Variants in SLC43A2 observed in about 807,000 individuals in gnomAD.
SLC43A2 encodes solute carrier family 43 member 2, also known as large neutral amino acids transporter small subunit 4.
In SLC43A2, 38 loss-of-function variants were observed where a neutral mutation model predicts 63.2. That is an observed-to-expected ratio of 0.60 (90% confidence interval 0.46 to 0.79). The LOEUF (loss-of-function observed/expected upper bound fraction) is 0.79, where lower values mean the gene tolerates loss of function less well. Among genes scored for constraint, SLC43A2 ranks in the 30% least tolerant of loss-of-function variants. The pLI, the probability that SLC43A2 is intolerant of heterozygous loss-of-function variation, is 0.00. For missense variants in SLC43A2, 644 were observed against 756.2 expected (o/e 0.85, Z 1.74); for synonymous variants, 322 against 331.0 (o/e 0.97, Z 0.30).
chr17:1,614,854 G>T, intron 4 of SLC43A2, 125 bp downstream of exon 4: 1 of 908,456 alleles, frequency 1.1e-6, no homozygotes. Context: ...CGTAACAGGT[G>T]TCCCCTCTAA....
In SLC43A2 at chr17:1,593,946, T is replaced by A. The variant is rs1385630204; in HGVS notation, c.502-667A>T. 1.3e-5 allele frequency among the ~76,000 whole-genome samples: 2 copies of A among 152,108 alleles called. No individual in the cohort carries two copies. The highest frequency in any genetic ancestry group is 2.9e-5 in the Non-Finnish European group (2 of 68,002). ...CCTCCGCCTCCCTGGTTCAAGTGAT[T>A]CTCCTGCCTCAGCCTCCCAAGTCGC... is the stretch of plus-strand genomic sequence containing the variant. On this transcript the variant is annotated intron_variant, in intron 5 of 13. Coordinates refer to ENST00000301335, the MANE Select transcript of SLC43A2 (RefSeq NM_152346.3). The surrounding 1 kb of genome is among the most constrained non-coding windows in gnomAD (Gnocchi z 5.3).
chr17:1,577,231 C>T lies in SLC43A2; in HGVS notation c.1425-511G>A, dbSNP rs1332557560. Among the ~76,000 whole-genome samples the T allele has an allele frequency of 6.6e-6, 1 of 152,130 alleles. No individual in the cohort carries two copies. Among genetic ancestry groups the T allele is most frequent in the Non-Finnish European group, 1.5e-5 (1 of 68,008 alleles). ...CAGGCCCCAGACTCTGGGGAGGGCCCACCCCACTCAGCTGTGCCCAGGGCC... is the reference window on the plus strand; with the variant it reads ...CAGGCCCCAGACTCTGGGGAGGGCCTACCCCACTCAGCTGTGCCCAGGGCC... On this transcript the variant is annotated intron_variant, in intron 12 of 13. Transcript: ENST00000301335. This position sits in a 1 kb window ranked among gnomAD's most constrained non-coding sequence, Gnocchi z 4.9.
At chr17:1,622,434 G>T (rs566797022) in intron 2 of SLC43A2, among the ~76,000 whole-genome samples, 1 of 152,066 alleles carries the variant, frequency 6.6e-6, no homozygotes, top group Non-Finnish European at 1.5e-5. Flanking sequence ...GCGTGGTGGC[G>T]GGCGCCTGCA....
chr17:1,622,727 A>C (rs1277216863), intron 2 of SLC43A2, among the ~76,000 whole-genome samples: 4 of 152,098 alleles, frequency 2.6e-5, no homozygotes. Flanking sequence ...CAGCCTGGCC[A>C]ACATGGTGAA....
At chr17:1,591,770 G>T in intron 6 of SLC43A2, 71 bp from the exon 7 acceptor site, 1 of 1,209,828 alleles carries the variant, frequency 8.3e-7, no homozygotes, top group Non-Finnish European at 1.2e-6. Flanking sequence ...CAGAGCCGCA[G>T]CAGGCAGGGG....
In SLC43A2 at chr17:1,605,583, C is replaced by A. The variant is rs902649283; in HGVS notation, c.501+7612G>T. Among the ~76,000 whole-genome samples, 1 of 22,332 alleles carries A rather than the reference C, an allele frequency of 4.5e-5. No homozygotes were observed. The highest frequency in any genetic ancestry group is 1.9e-4 in the African/African-American group (1 of 5,326). 14.7% of individuals were successfully genotyped at this position (22,332 alleles called of 152,430 possible). ...GGAGCTGGGTGGTGGGTGGGGGCTG[C>A]GGAGCTGGGAGGTGGGTGGGGGCTG... On this transcript the variant is annotated intron_variant, in intron 5 of 13. Transcript: ENST00000301335. This position sits in a 1 kb window ranked among gnomAD's most constrained non-coding sequence, Gnocchi z 4.9.
Position 1,616,506 on chromosome 17 carries a change from C to G in SLC43A2, c.368+56G>C, listed in dbSNP as rs1305704309. 4 of 1,524,462 alleles carry G rather than the reference C, an allele frequency of 2.6e-6. No homozygotes were observed. In the East Asian group the frequency reaches 7.3e-5, roughly 28 times the overall value. 94.4% of individuals were successfully genotyped at this position (1,524,462 alleles called of 1,614,324 possible). A position where few individuals can be genotyped will look rare whatever the true frequency, so the allele number is the denominator to read the frequency against. On this transcript the variant is annotated intron_variant, in intron 3 of 13. Transcript: ENST00000301335. The stretch of plus-strand genomic sequence containing the variant: ...GACCAGGATACCCTTCTGTGGGGAA[C>G]TCAGCCCAGGGGGTCCACCTGCCCA...
chr17:1,583,903 G>T lies in SLC43A2; in HGVS notation c.1218-567C>A, dbSNP rs968373641. On this transcript the variant is annotated intron_variant, in intron 10 of 13. Coordinates refer to ENST00000301335, the MANE Select transcript of SLC43A2 (RefSeq NM_152346.3). This position sits in a 1 kb window ranked among gnomAD's most constrained non-coding sequence, Gnocchi z 5.5. ...TTTTGTTTTGTTTTTTTGTTCTTTG[G>T]GTTTTTTTTTGAGATGGAGTCTCGC... Among the ~76,000 whole-genome samples the T allele has an allele frequency of 6.6e-6, 1 of 151,144 alleles. No individual in the cohort carries two copies. Among genetic ancestry groups the T allele is most frequent in the African/African-American group, 2.4e-5 (1 of 41,080 alleles).
At chr17:1,621,455 G>A (rs975861294) in intron 2 of SLC43A2, among the ~76,000 whole-genome samples, 20 of 152,288 alleles carry the variant, frequency 1.3e-4, no homozygotes, top group Non-Finnish European at 2.5e-4. Context: ...TAGTCTATCC[G>A]GCAACAGGAA....
At chr17:1,617,192 G>A (rs918379109) in intron 2 of SLC43A2, among the ~76,000 whole-genome samples, 6 of 152,026 alleles carry the variant, frequency 3.9e-5, no homozygotes, top group Non-Finnish European at 7.4e-5. Flanking sequence ...ACCTTCTCAC[G>A]GCAGCTATGT....
At chr17:1,587,272 G>A (rs2076118674) in intron 9 of SLC43A2, among the ~76,000 whole-genome samples, 1 of 152,218 alleles carries the variant, frequency 6.6e-6, no homozygotes, top group African/African-American at 2.4e-5. Flanking sequence ...ACGTTGGCGG[G>A]TAGCGTGATG....
chr17:1,591,617 A>C lies in SLC43A2; in HGVS notation c.677T>G (p.Phe226Cys). ...GCSGLVFLNC[F>C]FNWPLEPFPG... ...GAAGGGCTCAAGGGGCCAGTTAAAG[A>C]AGCAGTTGAGGAAAACCAGCCCGGA... The change falls in exon 7 of 14, where the codon TTC (phenylalanine) becomes TGC (cysteine). Residue 226 changes from phenylalanine to cysteine, a missense_variant. By Grantham distance (205) the Phe-to-Cys change is radical. This residue lies in a region of SLC43A2 where 528 missense variants were observed against 623.6 expected (regional missense o/e 0.85). Transcript: ENST00000301335. 1 of 1,549,540 alleles carries C rather than the reference A, an allele frequency of 6.5e-7. No individual in the cohort carries two copies. The highest frequency in any genetic ancestry group is 8.7e-7 in the Non-Finnish European group (1 of 1,146,658).
intron 11 of SLC43A2, among the ~76,000 whole-genome samples, chr17:1,581,833 C>CT (rs534630090): frequency 0.01 from 1,560 of 150,390 alleles, 10 homozygotes; most frequent in Non-Finnish European, 0.017. Flanking sequence ...TGAGACACAG[C>CT]CTCACTCTGT....
chr17:1,582,808 G>A (rs1399659348), intron 11 of SLC43A2, among the ~76,000 whole-genome samples: 1 of 152,204 alleles, frequency 6.6e-6, no homozygotes, highest in Non-Finnish European at 1.5e-5. Flanking sequence ...TGGGCACGGT[G>A]CCTCACACCT....
intron 1 of SLC43A2, chr17:1,628,192 G>A (rs1908866411): frequency 4.0e-6 from 1 of 252,044 alleles, no homozygotes; most frequent in Non-Finnish European, 7.5e-6. Flanking sequence ...GTAAACTGAG[G>A]CATGGAGGCA....
intron 1 of SLC43A2, 99 bp from the exon 2 acceptor site, chr17:1,628,019 C>T (rs1431772883): frequency 3.5e-6 from 4 of 1,158,846 alleles, no homozygotes; most frequent in Non-Finnish European, 4.3e-6. Flanking sequence ...GATTGCCACC[C>T]CTCCCCGGCC....
At chr17:1,610,538 G>A (rs1046273155) in intron 5 of SLC43A2, among the ~76,000 whole-genome samples, 4 of 150,814 alleles carry the variant, frequency 2.7e-5, no homozygotes, top group Non-Finnish European at 5.9e-5. Context: ...CAAAGTGCTG[G>A]GATTACAGGT....
chr17:1,586,927 A>AGGGGGCCCCC, intron 9 of SLC43A2: 2 of 1,355,928 alleles, frequency 1.5e-6, no homozygotes, highest in Non-Finnish European at 2.0e-6. Flanking sequence ...TTCCCTGACA[A>AGGGGGCCCCC]TCCCCCCCAC....
At chr17:1,613,594 A>G (rs1039163781) in intron 4 of SLC43A2, among the ~76,000 whole-genome samples, 4 of 152,190 alleles carry the variant, frequency 2.6e-5, no homozygotes, top group Non-Finnish European at 5.9e-5. Context: ...CCGGGATTAC[A>G]GGCATGCGCC....
Sources: gnomAD v4.1 joint callset for allele counts (sites outside exome capture counted in the v4.1 genomes callset) on GRCh38, gnomAD v4.1.1 for gene constraint, gnomAD v4.1.1 regional missense constraint, Gnocchi (gnomAD v3.1) non-coding constraint, MANE v1.5 for transcripts, NCBI Gene and HGNC (gene_info 2026-07-23, HGNC 2026-07-21) for gene names.